The following CUL3 variants were observed in gnomAD, a reference collection of about 807,000 sequenced individuals.
CUL3 encodes the protein cullin-3.
In CUL3, 19 loss-of-function variants were observed where a neutral mutation model predicts 89.1. The observed-to-expected ratio is 0.21, with a 90% confidence interval of 0.15 to 0.31. The LOEUF is 0.31. Among genes scored for constraint, CUL3 ranks in the 10% least tolerant of loss-of-function variants. CUL3 has a pLI of 1.00. For synonymous variants in CUL3, 351 were observed against 308.4 expected (o/e 1.14, Z -1.45); for missense variants, 469 against 942.3 (o/e 0.50, Z 6.58).
At chr2:224,508,315 C>A (rs1254446105) in intron 6 of CUL3, among the ~76,000 whole-genome samples, 4 of 152,038 alleles carry the variant, frequency 2.6e-5, no homozygotes, top group Non-Finnish European at 4.4e-5. Flanking sequence ...ATAATATATG[C>A]CCATAGTAAC....
At chr2:224,561,811 G>A (rs962811772) in intron 1 of CUL3, among the ~76,000 whole-genome samples, 2 of 152,308 alleles carry the variant, frequency 1.3e-5, no homozygotes, top group East Asian at 3.9e-4. Context: ...CCATAGCTAC[G>A]TACGTGCAAT....
At chr2:224,555,249 T>A (rs994650753) in intron 2 of CUL3, among the ~76,000 whole-genome samples, 4 of 152,194 alleles carry the variant, frequency 2.6e-5, no homozygotes, top group African/African-American at 9.6e-5. Context: ...TTCAAATCAG[T>A]TTCCCACTAT....
At chr2:224,533,155 CAAACAGTG>C (rs1177864929) in intron 3 of CUL3, 2 of 152,180 alleles carry the variant, frequency 1.3e-5, no homozygotes, top group Admixed American at 1.3e-4. Flanking sequence ...TGTGATGCGA[CAAACAGTG>C]AAACAGTGGC....
intron 13 of CUL3, among the ~76,000 whole-genome samples, chr2:224,492,204 T>C (rs1263609943): frequency 6.6e-6 from 1 of 152,240 alleles, no homozygotes; most frequent in Non-Finnish European, 1.5e-5. Flanking sequence ...CCTTCAATTT[T>C]AACTTGCTAA....
At chr2:224,516,033 A>G (rs566475502) in intron 3 of CUL3, among the ~76,000 whole-genome samples, 1 of 152,084 alleles carries the variant, frequency 6.6e-6, no homozygotes, top group Non-Finnish European at 1.5e-5. Context: ...TTCTTGCTTC[A>G]TATGACATCA....
chr2:224,546,382 TA>T (rs1382022657), intron 2 of CUL3, among the ~76,000 whole-genome samples: 2 of 152,096 alleles, frequency 1.3e-5, no homozygotes, highest in African/African-American at 4.8e-5. Context: ...TATAGCCCGA[TA>T]ATCACCTGTG....
At chr2:224,528,533 TA>T (rs1449940936) in intron 3 of CUL3, among the ~76,000 whole-genome samples, 2 of 149,948 alleles carry the variant, frequency 1.3e-5, no homozygotes, top group African/African-American at 5.0e-5. Flanking sequence ...ATTTCGGGAT[TA>T]GGGGGCTGGG....
At chr2:224,557,986 C>A in intron 1 of CUL3, 130 bp from the exon 2 acceptor site, 1 of 556,854 alleles carries the variant, frequency 1.8e-6, no homozygotes, top group Non-Finnish European at 3.1e-6. Context: ...ATCTATGACA[C>A]ATAAGAACAT....
At chr2:224,528,415 CAGCCCAGGATAAT>C (rs2106250176) in intron 3 of CUL3, among the ~76,000 whole-genome samples, 1 of 152,330 alleles carries the variant, frequency 6.6e-6, no homozygotes, top group East Asian at 1.9e-4. Context: ...CCCAGGGGAA[CAGCCCAGGATAAT>C]CTCATCTAAA....
chr2:224,496,755 C>T (rs1048262708), intron 12 of CUL3, among the ~76,000 whole-genome samples: 12 of 151,956 alleles, frequency 7.9e-5, no homozygotes, highest in Admixed American at 3.3e-4. Flanking sequence ...TCCTGCTTTA[C>T]GATTTAAGGG....
chr2:224,513,508 C>A lies in CUL3; in HGVS notation c.654+16G>T, dbSNP rs962640703. ...AACATCTTAAAAGATTATTTATTTA[C>A]ATTTTCACGGATTACCTGAAAAAAT... is the stretch of plus-strand genomic sequence containing the variant. On this transcript the variant is annotated intron_variant, in intron 5 of 15. Transcript: ENST00000264414. 1 of 1,366,066 alleles carries A rather than the reference C, an allele frequency of 7.3e-7. No individual in the cohort carries two copies. The highest frequency in any genetic ancestry group is 1.0e-6 in the Non-Finnish European group (1 of 972,640). The allele number at this position is 1,366,066 out of a possible 1,614,324, so 84.6% of individuals were successfully genotyped here.
Position 224,576,692 on chromosome 2 carries a change from G to T in CUL3, c.66+8252C>A, listed in dbSNP as rs968664415. ...TAGTTCAGGAGTGAAAAAAAAGGGG[G>T]GGGGGGGAGGAGAAGGAGGAGAAAG... On this transcript the variant is annotated intron_variant, in intron 1 of 15. Transcript: ENST00000264414. Among the ~76,000 whole-genome samples, 25 of 147,410 alleles carry T rather than the reference G, an allele frequency of 1.7e-4. No individual in the cohort carries two copies. The South Asian group carries it at 4.5e-3, about 26-fold the overall frequency.
chr2:224,486,092 A>G (rs1367241347), intron 13 of CUL3, among the ~76,000 whole-genome samples: 2 of 152,264 alleles, frequency 1.3e-5, no homozygotes, highest in Non-Finnish European at 2.9e-5. Context: ...TGCCCATGCA[A>G]AAACCCCATC....
At chr2:224,501,192 T>A (rs922020020) in intron 10 of CUL3, among the ~76,000 whole-genome samples, 2 of 152,210 alleles carry the variant, frequency 1.3e-5, no homozygotes, top group Non-Finnish European at 2.9e-5. Context: ...ATTTTTACTA[T>A]CTTAATACAT....
At chr2:224,558,312 C>T (rs959390692) in intron 1 of CUL3, among the ~76,000 whole-genome samples, 2 of 152,124 alleles carry the variant, frequency 1.3e-5, no homozygotes, top group Admixed American at 1.3e-4. Context: ...TAACCACTAA[C>T]GTTAAGTGCA....
In CUL3 at chr2:224,485,690, G is replaced by C. The variant is rs1691691229; in HGVS notation, c.1843-3612C>G. Among the ~76,000 whole-genome samples, 1 of 152,222 alleles carries C rather than the reference G, an allele frequency of 6.6e-6. No individual in the cohort carries two copies. The highest frequency in any genetic ancestry group is 6.5e-5 in the Admixed American group (1 of 15,292). On this transcript the variant is annotated intron_variant, in intron 13 of 15. Transcript: ENST00000264414. This position sits in a 1 kb window ranked among gnomAD's most constrained non-coding sequence, Gnocchi z 4.1. ...GGCAGCTATGGGCCCAGCTTCAGCA[G>C]AATTAAATGTTCTTGCCTGCTGGCT...
intron 8 of CUL3, among the ~76,000 whole-genome samples, chr2:224,504,727 T>C (rs1277283360): frequency 6.6e-6 from 1 of 152,238 alleles, no homozygotes; most frequent in African/African-American, 2.4e-5. Flanking sequence ...GCAACCTTAG[T>C]GATTTTGTTC....
intron 2 of CUL3, among the ~76,000 whole-genome samples, chr2:224,546,514 G>T (rs1694307237): frequency 6.6e-6 from 1 of 152,036 alleles, no homozygotes; most frequent in East Asian, 1.9e-4. Flanking sequence ...TTTCCATTTT[G>T]ACTGCTGGTA....
chr2:224,575,376 T>C (rs990693218), intron 1 of CUL3, among the ~76,000 whole-genome samples: 1 of 152,246 alleles, frequency 6.6e-6, no homozygotes, highest in Non-Finnish European at 1.5e-5. Flanking sequence ...CTAGAAAATA[T>C]GTTCAGTGGG....
Sources: allele counts gnomAD v4.1 joint callset (sites outside exome capture counted in the v4.1 genomes callset), GRCh38; gene constraint gnomAD v4.1.1; non-coding constraint Gnocchi (gnomAD v3.1); transcripts MANE v1.5; gene names NCBI Gene and HGNC (gene_info 2026-07-23, HGNC 2026-07-21).